The following XKR3 variants were observed in gnomAD, a reference collection of about 807,000 sequenced individuals.
XKR3 encodes XK related 3, also known as XK-related protein 3.
XKR3 carries 27 observed loss-of-function variants against 40.3 expected under a neutral mutation model. The ratio of observed to expected loss-of-function variants is 0.67; its 90% CI spans 0.49 to 0.92. The LOEUF is 0.92. Ranked by LOEUF, XKR3 falls within the 40% of genes least tolerant of loss-of-function variation. The probability of loss-of-function intolerance (pLI) is 0.00; values close to 1 mark genes in which losing one functional copy is unlikely to be tolerated. For missense variants in XKR3, 472 were observed against 537.6 expected, an observed-to-expected ratio of 0.88 and a Z score of 1.21; for synonymous variants, 193 against 195.4, an observed-to-expected ratio of 0.99 and a Z score of 0.10.
At chr22:16,787,008 A>C (rs2060093301) in intron 3 of XKR3, among the ~76,000 whole-genome samples, 1 of 152,170 alleles carries the variant, frequency 6.6e-6, no homozygotes, top group Non-Finnish European at 1.5e-5. Context: ...AGGAAAACAC[A>C]AACAATTCAG....
rs745513001 is a variant in XKR3 at position 16,799,896 on chromosome 22, TC to T, written c.463del (p.Asp155IlefsTer14). 2 of 1,614,144 alleles carry T rather than the reference TC, an allele frequency of 1.2e-6. No individual in the cohort carries two copies. Among genetic ancestry groups the T allele is most frequent in the Non-Finnish European group, 1.7e-6 (2 of 1,180,020 alleles). ...GAAAGCCTTCTGCTGCATGAAATTA[TC>T]CCGGATTGAGAATGCAATCTCCCTT... ...LEREIAFSIR[D>X]NFMQQKAFKY... On this transcript the variant is annotated frameshift_variant, in exon 3 of 4. Coordinates refer to ENST00000684488, the MANE Select transcript of XKR3 (RefSeq NM_001386955.1). LOFTEE classifies it high-confidence loss of function.
intron 3 of XKR3, among the ~76,000 whole-genome samples, chr22:16,785,707 A>C (rs759238): frequency 0.81 from 122,893 of 151,592 alleles, 50,222 homozygotes; most frequent in Middle Eastern, 0.97. Context: ...TACTGAAAAT[A>C]CAAAAAATTA....
intron 1 of XKR3, among the ~76,000 whole-genome samples, chr22:16,813,840 T>G (rs1227106466): frequency 6.6e-6 from 1 of 152,210 alleles, no homozygotes; most frequent in African/African-American, 2.4e-5. Flanking sequence ...CATCTGTTAT[T>G]TCTTTCTGAT....
At chr22:16,812,194 G>A (rs1024356791) in intron 1 of XKR3, among the ~76,000 whole-genome samples, 1 of 152,172 alleles carries the variant, frequency 6.6e-6, no homozygotes, top group African/African-American at 2.4e-5. Flanking sequence ...TTTGAGTTTA[G>A]CTCTCACTGT....
chr22:16,811,632 C>T (rs375220605), intron 1 of XKR3, among the ~76,000 whole-genome samples: 107 of 152,234 alleles, frequency 7.0e-4, no homozygotes, highest in African/African-American at 2.4e-3. Flanking sequence ...ATATTCTTCA[C>T]GTGTACGCTG....
intron 1 of XKR3, among the ~76,000 whole-genome samples, chr22:16,818,947 G>A (rs1167965539): frequency 1.3e-5 from 2 of 152,018 alleles, no homozygotes. Context: ...CCTATCCTCT[G>A]AACAGTTGAA....
intron 1 of XKR3, among the ~76,000 whole-genome samples, chr22:16,813,059 T>C (rs1397819448): frequency 6.6e-6 from 1 of 151,680 alleles, no homozygotes; most frequent in South Asian, 2.1e-4. Flanking sequence ...CCGAGGCGGG[T>C]GGATCACGAG....
intron 3 of XKR3, among the ~76,000 whole-genome samples, chr22:16,798,021 A>G (rs975118592): frequency 1.3e-5 from 2 of 151,618 alleles, no homozygotes; most frequent in Admixed American, 1.3e-4. Flanking sequence ...AAGGTTTTAC[A>G]ATGTCAAAAT....
intron 1 of XKR3, among the ~76,000 whole-genome samples, chr22:16,811,991 A>G (rs2060214825): frequency 6.6e-6 from 1 of 152,206 alleles, no homozygotes; most frequent in Non-Finnish European, 1.5e-5. Flanking sequence ...CCTGGGCGAC[A>G]GAGCAAGACT....
chr22:16,805,239 C>T (rs2146165036), intron 2 of XKR3, among the ~76,000 whole-genome samples: 2 of 152,260 alleles, frequency 1.3e-5, no homozygotes, highest in Middle Eastern at 3.4e-3. Context: ...AGCATAGTTT[C>T]AGTACACAAC....
intron 2 of XKR3, among the ~76,000 whole-genome samples, chr22:16,804,454 T>C (rs1240733280): frequency 6.6e-6 from 1 of 152,162 alleles, no homozygotes; most frequent in Non-Finnish European, 1.5e-5. Context: ...AGCTGTCCTA[T>C]GTGGGGGAAA....
At chr22:16,784,600 ATAT>A (rs2060082255) in intron 3 of XKR3, among the ~76,000 whole-genome samples, 191 bp from the exon 4 acceptor site, 1 of 152,244 alleles carries the variant, frequency 6.6e-6, no homozygotes, top group East Asian at 1.9e-4. Flanking sequence ...TGCAAAACAT[ATAT>A]TACACCTTGG....
intron 2 of XKR3, among the ~76,000 whole-genome samples, chr22:16,806,469 G>GTT (rs35013347): frequency 0.055 from 7,163 of 129,288 alleles, 270 homozygotes; most frequent in Middle Eastern, 0.087. Flanking sequence ...TATAGTTAAG[G>GTT]TTTTTTTTTT....
intron 2 of XKR3, among the ~76,000 whole-genome samples, chr22:16,801,415 A>G (rs5748650): frequency 0.87 from 132,554 of 152,046 alleles, 58,093 homozygotes; most frequent in African/African-American, 0.96. Context: ...GTGGTGGTGC[A>G]TGCCTGTAGG....
chr22:16,800,709 A>G (rs1184831249), intron 2 of XKR3, among the ~76,000 whole-genome samples: 1 of 152,228 alleles, frequency 6.6e-6, no homozygotes, highest in Non-Finnish European at 1.5e-5. Flanking sequence ...ATAAAAATCT[A>G]TGGGAAATAA....
At chr22:16,805,415 A>G (rs559044042) in intron 2 of XKR3, among the ~76,000 whole-genome samples, 166 of 152,322 alleles carry the variant, frequency 1.1e-3, no homozygotes, top group African/African-American at 3.8e-3. Flanking sequence ...CATCAACAAA[A>G]GAAGTTAAAG....
chr22:16,788,676 G>A (rs2060101688), intron 3 of XKR3, among the ~76,000 whole-genome samples: 2 of 151,922 alleles, frequency 1.3e-5, no homozygotes, highest in South Asian at 2.1e-4. Context: ...AACCAGACAA[G>A]GATACAACAA....
At chr22:16,802,415 T>A (rs1396918928) in intron 2 of XKR3, among the ~76,000 whole-genome samples, 2 of 152,112 alleles carry the variant, frequency 1.3e-5, no homozygotes, top group Non-Finnish European at 2.9e-5. Context: ...AGAAAGAAGA[T>A]AACTGAGAAC....
chr22:16,807,734 C>T lies in XKR3; in HGVS notation c.335+5G>A. On this transcript the variant is annotated splice_donor_5th_base_variant and intron_variant, in intron 2 of 3. Coordinates refer to ENST00000684488, the MANE Select transcript of XKR3 (RefSeq NM_001386955.1). ...CAGTGAATGAGAAATATTTGTGTCACTTACCTCACAATAGGTCCTAAAAGA... is the reference window on the plus strand; with the variant it reads ...CAGTGAATGAGAAATATTTGTGTCATTTACCTCACAATAGGTCCTAAAAGA... 6.4e-7 allele frequency: 1 copy of T among 1,566,112 alleles called. No homozygotes were observed. The highest frequency in any genetic ancestry group is 1.4e-5 in the African/African-American group (1 of 73,360).
Sources: allele counts gnomAD v4.1 joint callset (sites outside exome capture counted in the v4.1 genomes callset), GRCh38; gene constraint gnomAD v4.1.1; transcripts MANE v1.5; gene names NCBI Gene and HGNC (gene_info 2026-07-23, HGNC 2026-07-21).